MYH14: variants seen among roughly 807,000 people sequenced by gnomAD.
MYH14 encodes the protein myosin-14.
A neutral mutation model predicts 255.5 loss-of-function variants in MYH14; 123 were observed. That is an observed-to-expected ratio of 0.48 (90% CI 0.42 to 0.56). The LOEUF (loss-of-function observed/expected upper bound fraction) is 0.56, where lower values mean the gene tolerates loss of function less well. Ranked by LOEUF, MYH14 falls within the 20% of genes least tolerant of loss-of-function variation. MYH14 has a pLI of 0.00. For synonymous variants in MYH14, 1,095 were observed against 1,161.2 expected, an observed-to-expected ratio of 0.94 and a Z score of 1.16; for missense variants, 2,423 against 2,802.3, an observed-to-expected ratio of 0.86 and a Z score of 3.06.
chr19:50,253,419 G>A (rs1204508201), intron 16 of MYH14, among the ~76,000 whole-genome samples: 1 of 151,030 alleles, frequency 6.6e-6, no homozygotes, highest in African/African-American at 2.4e-5. Flanking sequence ...ATCCAGCCTG[G>A]GTGACAGTGT....
chr19:50,307,244 C>T, intron 41 of MYH14, 87 bp downstream of exon 41: 1 of 791,528 alleles, frequency 1.3e-6, no homozygotes, highest in Non-Finnish European at 2.1e-6. Context: ...GCAATGAGCT[C>T]CCATCACAAG....
At position 50,293,413 on chromosome 19, in the gene MYH14, A is replaced by G; in HGVS notation, c.5345+92A>G. The G allele has an allele frequency of 1.3e-6, 2 of 1,517,242 alleles. No individual in the cohort carries two copies. The highest frequency in any genetic ancestry group is 2.4e-5 in the East Asian group (1 of 41,308). The allele number at this position is 1,517,242 out of a possible 1,614,324, so 94.0% of individuals were successfully genotyped here. A position where few individuals can be genotyped will look rare whatever the true frequency, so the allele number is the denominator to read the frequency against. ...GAGGTGGCTGGGCTCTGGGACAGGA[A>G]ACTGGGAGGTGGGCGGGGTTAACCT... On this transcript the variant is annotated intron_variant, in intron 38 of 42. Transcript: ENST00000642316. The surrounding 1 kb of genome is among the most constrained non-coding windows in gnomAD (Gnocchi z 4.1).
chr19:50,246,388 AC>A (rs2034126297), intron 11 of MYH14, among the ~76,000 whole-genome samples: 3 of 152,166 alleles, frequency 2.0e-5, no homozygotes, highest in Admixed American at 2.0e-4. Context: ...TGATCCGCCC[AC>A]CTTGGCCTCC....
chr19:50,211,707 A>C (rs1338943397), intron 2 of MYH14, among the ~76,000 whole-genome samples: 1 of 151,798 alleles, frequency 6.6e-6, no homozygotes, highest in Non-Finnish European at 1.5e-5. Flanking sequence ...TGGGGCTGGG[A>C]ATGGTGGTTC....
At chr19:50,224,045 T>A in intron 5 of MYH14, 109 bp from the exon 6 acceptor site, 32 of 316,104 alleles carry the variant, frequency 1.0e-4, no homozygotes, top group East Asian at 1.8e-4. Context: ...CCAGTCCCCC[T>A]TCCCCCACCC....
intron 16 of MYH14, among the ~76,000 whole-genome samples, chr19:50,254,232 A>G (rs1291583912): frequency 1.3e-5 from 2 of 150,476 alleles, no homozygotes; most frequent in African/African-American, 4.9e-5. Context: ...AAAAAAAAAA[A>G]GGAAAAAAAA....
In MYH14 at chr19:50,250,709, TG is replaced by T. The variant is rs770997251; in HGVS notation, c.1830+25del. On this transcript the variant is annotated intron_variant, in intron 15 of 42. Transcript: ENST00000642316. The surrounding 1 kb of genome is among the most constrained non-coding windows in gnomAD (Gnocchi z 5.4). ...GCAAGGTAGGGGCTGGGGCCGGCCT[TG>T]GGGCATGTGGGAGTGGGGATCAAGG... 6 of 1,596,548 alleles carry T rather than the reference TG, an allele frequency of 3.8e-6. No homozygotes were observed. In the South Asian group the frequency reaches 5.6e-5, roughly 15 times the overall value.
rs565675404 is a variant in MYH14 at position 50,223,964 on chromosome 19, AG to A, written c.694-188del. On this transcript the variant is annotated intron_variant, in intron 5 of 42. Transcript: ENST00000642316. Reference sequence around the variant, plus strand: ...CGCTACAAAAAACATTTTTGAATAAAGGAGGTAGAGTGGGATTCAAACCCAG... The same window carrying A: ...CGCTACAAAAAACATTTTTGAATAAAGAGGTAGAGTGGGATTCAAACCCAG... Among the ~76,000 whole-genome samples the A allele has an allele frequency of 2.0e-3, 306 of 152,220 alleles. 1 individual carries two copies. The highest frequency in any genetic ancestry group is 7.0e-3 in the African/African-American group (292 of 41,514).
chr19:50,246,135 C>T (rs183484330), intron 11 of MYH14, among the ~76,000 whole-genome samples: 166 of 132,044 alleles, frequency 1.3e-3, no homozygotes, highest in Middle Eastern at 4.2e-3. Context: ...TTCCTTCCCT[C>T]CTTCCTTCCT....
At chr19:50,233,817 A>ACCCCCCCCCCCCCCC (rs1385579013) in intron 10 of MYH14, among the ~76,000 whole-genome samples, 48 of 111,982 alleles carry the variant, frequency 4.3e-4, no homozygotes, top group African/African-American at 7.6e-4. Flanking sequence ...CCTCCCCCCG[A>ACCCCCCCCCCCCCCC]CCCCCCCGCC....
Position 50,245,811 on chromosome 19 carries a change from TC to T in MYH14, c.1211-1192del, listed in dbSNP as rs563726069. The stretch of plus-strand genomic sequence containing the variant: ...AGGTGTGCCGTGCACACACATTTAC[TC>T]ATTTGTTTTACAAAACTGGAGTCAG... On this transcript the variant is annotated intron_variant, in intron 11 of 42. Coordinates refer to ENST00000642316, the MANE Select transcript of MYH14 (RefSeq NM_001145809.2). Among the ~76,000 whole-genome samples, 390 of 152,346 alleles carry T rather than the reference TC, an allele frequency of 2.6e-3. 2 individuals carry two copies. Among genetic ancestry groups the T allele is most frequent in the African/African-American group, 8.6e-3 (358 of 41,590 alleles).
intron 8 of MYH14, among the ~76,000 whole-genome samples, chr19:50,229,596 T>G (rs1333829553): frequency 6.6e-6 from 1 of 152,142 alleles, no homozygotes; most frequent in Non-Finnish European, 1.5e-5. Context: ...GCTGTGATTG[T>G]GCTGCTGTGC....
chr19:50,261,513 G>C lies in MYH14; in HGVS notation c.2463G>C (p.Val821=). The C allele has an allele frequency of 6.4e-7, 1 of 1,574,696 alleles. No homozygotes were observed. The change falls in exon 21 of 43, where the codon GTG becomes GTC. Residue 821 remains valine, a synonymous_variant. Transcript: ENST00000642316. The part of the protein sequence containing the change: ...ALELDPNLYR[V]GQSKIFFRAG... ...AACTGGACCCCAACCTCTACCGCGTGGGACAGAGCAAGATCTTCTTCCGGG... is the reference window on the plus strand; with the variant it reads ...AACTGGACCCCAACCTCTACCGCGTCGGACAGAGCAAGATCTTCTTCCGGG...
Position 50,276,959 on chromosome 19 carries a change from G to C in MYH14, c.3825+58G>C, listed in dbSNP as rs528701540. The stretch of plus-strand genomic sequence containing the variant: ...CCACGGGGAGGGCAGGGCAGGACGC[G>C]GGGTTGGAGGAGGTACCGCTGGCTG... On this transcript the variant is annotated intron_variant, in intron 29 of 42. Transcript: ENST00000642316. This position sits in a 1 kb window ranked among gnomAD's most constrained non-coding sequence, Gnocchi z 4.3. The C allele has an allele frequency of 6.0e-5, 84 of 1,394,170 alleles. 1 individual carries two copies. The East Asian group carries it at 1.8e-3, about 31-fold the overall frequency. The allele number at this position is 1,394,170 out of a possible 1,614,324, so 86.4% of individuals were successfully genotyped here.
chr19:50,240,567 A>G (rs1297779903), intron 10 of MYH14, among the ~76,000 whole-genome samples: 2 of 152,052 alleles, frequency 1.3e-5, no homozygotes, highest in Admixed American at 1.3e-4. Flanking sequence ...CCTGGGCAAC[A>G]GAGCAAGACT....
chr19:50,277,685 G>A (rs2035558967), intron 29 of MYH14, among the ~76,000 whole-genome samples: 1 of 152,024 alleles, frequency 6.6e-6, no homozygotes, highest in African/African-American at 2.4e-5. Context: ...GGAGGCTGAG[G>A]TGGGTGGATC....
intron 39 of MYH14, among the ~76,000 whole-genome samples, chr19:50,299,726 C>A (rs950292277): frequency 1.2e-4 from 18 of 152,022 alleles, no homozygotes; most frequent in Admixed American, 1.1e-3. Context: ...GGGTGGATCA[C>A]TTGAGGTCAG....
intron 27 of MYH14, among the ~76,000 whole-genome samples, chr19:50,273,324 TTCTTCC>T (rs894715157): frequency 1.3e-5 from 2 of 150,458 alleles, no homozygotes; most frequent in Admixed American, 6.6e-5. Flanking sequence ...AAAGAGCTAT[TTCTTCC>T]TCTTCCCTGC....
Position 50,276,068 on chromosome 19 carries a change from A to G in MYH14, c.3545A>G (p.Gln1182Arg). Reference protein sequence around the residue: ...REAQAALAEAQEDLESERVAR... With the variant: ...REAQAALAEAREDLESERVAR... ...GCTCAAGCAGCCCTGGCCGAGGCCC[A>G]GGAGGACCTGGAGTCTGAGCGTGTG... is the stretch of plus-strand genomic sequence containing the variant. The change falls in exon 28 of 43, where the codon CAG becomes CGG. Residue 1182 changes from glutamine (Q) to arginine (R), a missense_variant. Physicochemically the swap from Gln to Arg is conservative, Grantham distance 43. Around this residue, in one of 3 missense-constraint regions of MYH14, gnomAD observed 1,513 missense variants for 1,674.8 expected, o/e 0.90. Coordinates refer to ENST00000642316, the MANE Select transcript of MYH14 (RefSeq NM_001145809.2). The surrounding 1 kb of genome is among the most constrained non-coding windows in gnomAD (Gnocchi z 4.3). 1 of 1,611,708 alleles carries G rather than the reference A, an allele frequency of 6.2e-7. No homozygotes were observed. The highest frequency in any genetic ancestry group is 8.5e-7 in the Non-Finnish European group (1 of 1,179,330).
Sources: allele counts gnomAD v4.1 joint callset (sites outside exome capture counted in the v4.1 genomes callset), GRCh38; gene constraint gnomAD v4.1.1; regional missense constraint gnomAD v4.1.1; non-coding constraint Gnocchi (gnomAD v3.1); transcripts MANE v1.5; gene names NCBI Gene and HGNC (gene_info 2026-07-23, HGNC 2026-07-21).